ATP13A5: variants seen among roughly 807,000 people sequenced by gnomAD.
ATP13A5 encodes the protein probable cation-transporting ATPase 13A5.
Under a neutral mutation model 150.2 loss-of-function variants are expected in ATP13A5, and 149 were observed. The ratio of observed to expected loss-of-function variants is 0.99; its 90% CI spans 0.87 to 1.14. The LOEUF (loss-of-function observed/expected upper bound fraction) is 1.14. ATP13A5 is among the 50% of genes most tolerant of loss of function. The pLI, the probability that ATP13A5 is intolerant of heterozygous loss-of-function variation, is 0.00. For synonymous variants in ATP13A5, 497 were observed against 522.2 expected, an observed-to-expected ratio of 0.95 and a Z score of 0.66; for missense variants, 1,383 against 1,449.3, an observed-to-expected ratio of 0.95 and a Z score of 0.74.
intron 19 of ATP13A5, chr3:193,312,686 C>T (rs1203796067): frequency 6.6e-6 from 1 of 152,104 alleles, no homozygotes; most frequent in Non-Finnish European, 1.5e-5. Context: ...GTGTTTAGGA[C>T]TCTAAATTCA....
chr3:193,313,965 G>A, intron 19 of ATP13A5, 68 bp downstream of exon 19: 2 of 1,533,458 alleles, frequency 1.3e-6, no homozygotes, highest in Non-Finnish European at 1.8e-6. Context: ...TTGAGAGAAG[G>A]CTGAGCAGTG....
chr3:193,347,792 A>G (rs1712405061), intron 7 of ATP13A5, among the ~76,000 whole-genome samples: 1 of 152,110 alleles, frequency 6.6e-6, no homozygotes, highest in Admixed American at 6.5e-5. Flanking sequence ...CTTCTCATAA[A>G]GGCCTACTCA....
intron 9 of ATP13A5, among the ~76,000 whole-genome samples, chr3:193,335,489 A>T (rs965179084): frequency 6.6e-6 from 1 of 152,124 alleles, no homozygotes; most frequent in African/African-American, 2.4e-5. Flanking sequence ...TCATTTATTC[A>T]TTTGTTTATT....
intron 26 of ATP13A5, 33 bp from the exon 27 acceptor site, chr3:193,285,149 T>C (rs1717666882): frequency 6.4e-6 from 10 of 1,572,824 alleles, no homozygotes; most frequent in African/African-American, 2.7e-5. Context: ...TATGAAACAT[T>C]TGATTCCATT....
intron 12 of ATP13A5, among the ~76,000 whole-genome samples, chr3:193,330,398 T>C (rs994524785): frequency 7.9e-5 from 12 of 152,214 alleles, no homozygotes; most frequent in African/African-American, 2.4e-4. Flanking sequence ...AAGGCCCTAA[T>C]AAATTATTCA....
intron 9 of ATP13A5, among the ~76,000 whole-genome samples, chr3:193,339,570 T>C (rs1192286210): frequency 6.6e-6 from 1 of 152,218 alleles, no homozygotes; most frequent in Non-Finnish European, 1.5e-5. Flanking sequence ...AAAATTGTTA[T>C]TAGCAATCTT....
chr3:193,328,512 T>G (rs1711509802), intron 12 of ATP13A5, among the ~76,000 whole-genome samples: 1 of 152,220 alleles, frequency 6.6e-6, no homozygotes, highest in African/African-American at 2.4e-5. Flanking sequence ...AACATCAATA[T>G]TTTGAACATG....
intron 1 of ATP13A5, among the ~76,000 whole-genome samples, chr3:193,376,037 G>A (rs1376161072): frequency 6.6e-6 from 1 of 152,160 alleles, no homozygotes; most frequent in African/African-American, 2.4e-5. Flanking sequence ...AGAGCAAGTG[G>A]GGCGAGGCTG....
intron 26 of ATP13A5, among the ~76,000 whole-genome samples, chr3:193,285,722 C>T (rs374786547): frequency 2.0e-5 from 3 of 152,142 alleles, no homozygotes; most frequent in South Asian, 2.1e-4. Context: ...CTGTTCCCCA[C>T]GTATCAATTT....
chr3:193,362,960 C>A (rs2887035), intron 3 of ATP13A5, among the ~76,000 whole-genome samples: 82,971 of 151,666 alleles, frequency 0.55, 22,948 homozygotes, highest in African/African-American at 0.62. Context: ...ACACTCAGCT[C>A]ATTTTTTGTT....
At chr3:193,345,215 G>C in intron 7 of ATP13A5, 140 bp from the exon 8 acceptor site, 1 of 752,180 alleles carries the variant, frequency 1.3e-6, no homozygotes, top group Non-Finnish European at 2.3e-6. Flanking sequence ...TGATGCTTCA[G>C]CTTCCTTGCT....
rs1717872484 is a variant in ATP13A5, at chr3:193,289,781, GATTA to G, written c.3023+100_3023+103del. On this transcript the variant is annotated intron_variant, in intron 26 of 29. Coordinates refer to ENST00000342358, the MANE Select transcript of ATP13A5 (RefSeq NM_198505.4). ...TTTGAGTTTTGCAGCGACACAATTT[GATTA>G]ATTAAAAGTTTTAGGATATATGTTC... 9.1e-6 allele frequency: 10 copies of G among 1,099,400 alleles called. No individual in the cohort carries two copies. In the South Asian group the frequency reaches 1.4e-4, roughly 16 times the overall value. The allele number at this position is 1,099,400 out of a possible 1,614,324, so 68.1% of individuals were successfully genotyped here.
intron 21 of ATP13A5, among the ~76,000 whole-genome samples, chr3:193,308,073 G>T (rs1276189721): frequency 1.3e-5 from 2 of 152,168 alleles, no homozygotes; most frequent in African/African-American, 4.8e-5. Context: ...ACAGAGTTAT[G>T]AAATCAATAA....
intron 8 of ATP13A5, among the ~76,000 whole-genome samples, chr3:193,344,737 T>G (rs1712264335): frequency 6.6e-6 from 1 of 152,128 alleles, no homozygotes; most frequent in African/African-American, 2.4e-5. Flanking sequence ...AATGAGGGCT[T>G]GGGTGAGGGT....
At chr3:193,284,227 G>A (rs563692563) in intron 27 of ATP13A5, among the ~76,000 whole-genome samples, 14 of 151,902 alleles carry the variant, frequency 9.2e-5, no homozygotes, top group African/African-American at 3.4e-4. Context: ...GTCTCACTGT[G>A]TTGCCCAGGC....
rs750238151 is a variant in ATP13A5, at chr3:193,327,022, C to G, written c.1497G>C (p.Trp499Cys). The change falls in exon 13 of 30, where the codon TGG becomes TGC. Residue 499 changes from tryptophan (W) to cysteine (C), a missense_variant. Physicochemically the swap from Trp to Cys is radical, Grantham distance 215. Around this residue, in one of 3 missense-constraint regions of ATP13A5, gnomAD observed 787 missense variants for 771.9 expected, o/e 1.02. Coordinates refer to ENST00000342358, the MANE Select transcript of ATP13A5 (RefSeq NM_198505.4). Reference protein sequence around the residue: ...GTLTEDGLDLWGTVPTADNCF... With the variant: ...GTLTEDGLDLCGTVPTADNCF... ...AGTTGTCAGCAGTAGGGACAGTCCC[C>G]CAGAGGTCCAGCCCATCTTCAGTGA... 6.2e-7 allele frequency: 1 copy of G among 1,612,696 alleles called. No homozygotes were observed. The highest frequency in any genetic ancestry group is 8.5e-7 in the Non-Finnish European group (1 of 1,179,702).
rs9836838 is a variant in ATP13A5, at chr3:193,297,107, C to T, written c.2848+2024G>A. 2.6e-3 allele frequency among the ~76,000 whole-genome samples: 393 copies of T among 152,042 alleles called. 1 individual carries two copies. The highest frequency in any genetic ancestry group is 8.9e-3 in the African/African-American group (371 of 41,462). ...AAACCTGCACATCCTGCACATGTACCCTGGAACTTAAAATTTGCAGCAGAA... is the reference window on the plus strand; with the variant it reads ...AAACCTGCACATCCTGCACATGTACTCTGGAACTTAAAATTTGCAGCAGAA... On this transcript the variant is annotated intron_variant, in intron 25 of 29. Transcript: ENST00000342358.
intron 1 of ATP13A5, among the ~76,000 whole-genome samples, chr3:193,370,026 C>G (rs1227911551): frequency 6.6e-6 from 1 of 152,138 alleles, no homozygotes; most frequent in Non-Finnish European, 1.5e-5. Context: ...GCCAGGAACC[C>G]AGATCTGCCA....
intron 20 of ATP13A5, 51 bp from the exon 21 acceptor site, chr3:193,310,768 T>C (rs1436332813): frequency 6.9e-7 from 1 of 1,449,300 alleles, no homozygotes; most frequent in African/African-American, 1.4e-5. Context: ...AGAAAACTTT[T>C]AAAAATAAAA....
Sources: gnomAD v4.1 joint callset for allele counts (sites outside exome capture counted in the v4.1 genomes callset) on GRCh38, gnomAD v4.1.1 for gene constraint, gnomAD v4.1.1 regional missense constraint, MANE v1.5 for transcripts, NCBI Gene and HGNC (gene_info 2026-07-23, HGNC 2026-07-21) for gene names.